Variants in CIAO2B observed in about 807,000 individuals in gnomAD.
CIAO2B encodes the protein MSS19-interacting protein of 18 kDa.
In CIAO2B, 20 loss-of-function variants were observed where a neutral mutation model predicts 16.4. That is an observed-to-expected ratio of 1.22 (90% CI 0.86 to 1.77). The LOEUF is 1.77. Among genes scored for constraint, CIAO2B ranks in the 40% most tolerant of loss-of-function variants. The pLI is 0.00. For synonymous variants in CIAO2B, 106 were observed against 90.4 expected, an observed-to-expected ratio of 1.17 and a Z score of -0.98; for missense variants, 215 against 222.4, an observed-to-expected ratio of 0.97 and a Z score of 0.21.
rs374668317 is a variant in CIAO2B at position 66,934,007 on chromosome 16, C to T, written c.202G>A (p.Val68Ile). 2 of 1,613,800 alleles carry T rather than the reference C, an allele frequency of 1.2e-6. No individual in the cohort carries two copies. The highest frequency in any genetic ancestry group is 1.7e-6 in the Non-Finnish European group (2 of 1,179,880). Residue 68 changes from valine (V) to isoleucine (I), a missense_variant, in exon 2 of 5, where the codon GTA becomes ATA. Coordinates refer to ENST00000422424, the MANE Select transcript of CIAO2B (RefSeq NM_016062.4). This position sits in a 1 kb window ranked among gnomAD's most constrained non-coding sequence, Gnocchi z 4.1. ...CTCACCTGAACCCGCACCTGCTCTA[C>T]TACGTTCAACTCCTCTAGCGTCAGT... ...HPLTLEELNV[V>I]EQVRVQVSDP...
intron 4 of CIAO2B, 43 bp downstream of exon 4, chr16:66,932,737 G>A (rs1272560833): frequency 6.3e-6 from 10 of 1,587,744 alleles, no homozygotes; most frequent in Admixed American, 1.8e-5. Context: ...AGACTGCTTA[G>A]GGGGTGCCCG....
rs1294485223 is a variant in CIAO2B, at chr16:66,934,192, G to A, written c.142+31C>T. 1.2e-6 allele frequency: 2 copies of A among 1,608,420 alleles called. No individual in the cohort carries two copies. The highest frequency in any genetic ancestry group is 1.7e-6 in the Non-Finnish European group (2 of 1,177,542). On this transcript the variant is annotated intron_variant, in intron 1 of 4. Transcript: ENST00000422424. The surrounding 1 kb of genome is among the most constrained non-coding windows in gnomAD (Gnocchi z 4.1). ...CTGCTCCCCCCACCGCAAGCCCCCG[G>A]AACCCGCCCGCGCCCAGCAGCGGCG...
intron 4 of CIAO2B, 76 bp downstream of exon 4, chr16:66,932,704 C>A (rs1252717151): frequency 1.3e-6 from 2 of 1,507,896 alleles, no homozygotes; most frequent in Non-Finnish European, 1.8e-6. Flanking sequence ...TGCCCATAGA[C>A]TCCTGTGCAA....
chr16:66,933,551 C>G, intron 3 of CIAO2B, 63 bp downstream of exon 3: 1 of 1,576,002 alleles, frequency 6.3e-7, no homozygotes. Flanking sequence ...CTCTCCCAGT[C>G]CCCATCCTCA....
Position 66,932,160 on chromosome 16 carries a change from G to A in CIAO2B, c.*43C>T, listed in dbSNP as rs772188772. On this transcript the variant is annotated 3_prime_UTR_variant, in exon 5 of 5. Transcript: ENST00000422424. ...CGGTAACAGCCCTGGCAGGAGCTGG[G>A]ACCAGGATACCAGTATGCAGGCTGA... is the stretch of plus-strand genomic sequence containing the variant. 38 of 1,453,694 alleles carry A rather than the reference G, an allele frequency of 2.6e-5. No homozygotes were observed. The highest frequency in any genetic ancestry group is 1.9e-4 in the Middle Eastern group (1 of 5,302). The allele number at this position is 1,453,694 out of a possible 1,614,324, so 90.0% of individuals were successfully genotyped here.
chr16:66,932,711 G>T (rs1467418295), intron 4 of CIAO2B, 69 bp downstream of exon 4: 10 of 1,538,980 alleles, frequency 6.5e-6, no homozygotes, highest in Non-Finnish European at 8.8e-6. Context: ...AGACTCCTGT[G>T]CAAGGGGGAA....
At position 66,933,496 on chromosome 16, in the gene CIAO2B, G is replaced by T; in HGVS notation, c.348+118C>A. The T allele has an allele frequency of 2.3e-6, 3 of 1,332,504 alleles. No homozygotes were observed. The South Asian group carries it at 4.3e-5, about 19-fold the overall frequency. 82.5% of individuals were successfully genotyped at this position (1,332,504 alleles called of 1,614,324 possible). Reference sequence around the variant, plus strand: ...TCCTCCCAGTTTCCTCTCTGCTAATGGGGATCCTTCCAGGCCCCACTCTGA... The same window carrying T: ...TCCTCCCAGTTTCCTCTCTGCTAATTGGGATCCTTCCAGGCCCCACTCTGA... On this transcript the variant is annotated intron_variant, in intron 3 of 4. Transcript: ENST00000422424.
At position 66,932,267 on chromosome 16, in the gene CIAO2B, G is replaced by A; in HGVS notation, c.428C>T (p.Ala143Val). The A allele has an allele frequency of 1.2e-6, 2 of 1,613,828 alleles. No individual in the cohort carries two copies. Among genetic ancestry groups the A allele is most frequent in the African/African-American group, 1.3e-5 (1 of 75,026 alleles). The change falls in exon 5 of 5, where the codon GCA becomes GTA. Residue 143 changes from alanine (A) to valine (V), a missense_variant. Transcript: ENST00000422424. ...NKQLADKERV[A>V]AALENTHLLE... ...GAGGTGGGTGTTCTCCAGGGCAGCTGCCACCCGCTCCTTATCTGCAAGTTG... is the reference window on the plus strand; with the variant it reads ...GAGGTGGGTGTTCTCCAGGGCAGCTACCACCCGCTCCTTATCTGCAAGTTG...
At position 66,932,187 on chromosome 16, in the gene CIAO2B, G is replaced by C. The variant is rs1328136467; in HGVS notation, c.*16C>G. The C allele has an allele frequency of 9.4e-6, 15 of 1,602,732 alleles. No homozygotes were observed. The highest frequency in any genetic ancestry group is 1.3e-5 in the Non-Finnish European group (15 of 1,171,124). Reference sequence around the variant, plus strand: ...CCAGGATACCAGTATGCAGGCTGAGGGGTCAAAGGCCAGGCTCAGGAGCGG... The same window carrying C: ...CCAGGATACCAGTATGCAGGCTGAGCGGTCAAAGGCCAGGCTCAGGAGCGG... On this transcript the variant is annotated 3_prime_UTR_variant, in exon 5 of 5. Coordinates refer to ENST00000422424, the MANE Select transcript of CIAO2B (RefSeq NM_016062.4).
At position 66,934,355 on chromosome 16, in the gene CIAO2B, C is replaced by T. The variant is rs747220172; in HGVS notation, c.10G>A (p.Gly4Ser). Reference protein sequence around the residue: MVGGGGVGGGLLEN... With the variant: MVGSGGVGGGLLEN... ...AGGAGGCCGCCGCCGACCCCGCCGC[C>T]GCCTACCATCGCGGAACCACCACCG... Residue 4 changes from glycine (G) to serine (S), a missense_variant, in exon 1 of 5, where the codon GGC becomes AGC. Physicochemically the swap from Gly to Ser is moderately conservative, Grantham distance 56. Coordinates refer to ENST00000422424, the MANE Select transcript of CIAO2B (RefSeq NM_016062.4). The surrounding 1 kb of genome is among the most constrained non-coding windows in gnomAD (Gnocchi z 4.1). 25 of 1,559,206 alleles carry T rather than the reference C, an allele frequency of 1.6e-5. No homozygotes were observed. Among genetic ancestry groups the T allele is most frequent in the Admixed American group, 5.7e-5 (3 of 52,618 alleles).
intron 3 of CIAO2B, among the ~76,000 whole-genome samples, chr16:66,933,139 C>T (rs1352346558): frequency 6.6e-6 from 1 of 152,158 alleles, no homozygotes; most frequent in African/African-American, 2.4e-5. Context: ...CAGGCACACA[C>T]CACCACGCCC....
rs780892247 is a variant in CIAO2B, at chr16:66,932,212, G to T, written c.483C>A (p.Ala161=). 15 of 1,612,864 alleles carry T rather than the reference G, an allele frequency of 9.3e-6. No homozygotes were observed. In the South Asian group the frequency reaches 1.5e-4, roughly 17 times the overall value. ...GGGTCAAAGGCCAGGCTCAGGAGCG[G>T]GCTGACAGGCACTGATTCACAACCT... is the stretch of plus-strand genomic sequence containing the variant. ...LLEVVNQCLS[A]RS Residue 161 remains alanine, a synonymous_variant, in exon 5 of 5, where the codon GCC becomes GCA. Coordinates refer to ENST00000422424, the MANE Select transcript of CIAO2B (RefSeq NM_016062.4).
Position 66,932,779 on chromosome 16 carries a change from C to T in CIAO2B, c.394+1G>A, listed in dbSNP as rs373377621. ...CACCCTCACCACCAGTCCACACTTA[C>T]CTGCATGCTCTGAGGCATGGGTCCC... On this transcript the variant is annotated splice_donor_variant, in intron 4 of 4. Coordinates refer to ENST00000422424, the MANE Select transcript of CIAO2B (RefSeq NM_016062.4). LOFTEE classifies it high-confidence loss of function. The T allele has an allele frequency of 4.3e-6, 7 of 1,610,168 alleles. No homozygotes were observed. Among genetic ancestry groups the T allele is most frequent in the Non-Finnish European group, 8.5e-7 (1 of 1,178,326 alleles).
At position 66,933,400 on chromosome 16, in the gene CIAO2B, C is replaced by T. The variant is rs1596999444; in HGVS notation, c.348+214G>A. On this transcript the variant is annotated intron_variant, in intron 3 of 4. Transcript: ENST00000422424. ...CTGCCGCTCCCTACTGCCCTTCCTG[C>T]CACACTCTTCAATACTTTTCTCCAC... 5 of 676,528 alleles carry T rather than the reference C, an allele frequency of 7.4e-6. No homozygotes were observed. The East Asian group carries it at 1.5e-4, about 20-fold the overall frequency. 41.9% of individuals were successfully genotyped at this position (676,528 alleles called of 1,614,324 possible).
At position 66,933,740 on chromosome 16, in the gene CIAO2B, C is replaced by G; in HGVS notation, c.223-1G>C. On this transcript the variant is annotated splice_acceptor_variant, in intron 2 of 4. Coordinates refer to ENST00000422424, the MANE Select transcript of CIAO2B (RefSeq NM_016062.4). LOFTEE classifies it high-confidence loss of function. ...CCACTGTACTCTCGGGGTCGCTAAC[C>G]TGGTTGTGGAGGAGAGATGTCAAGA... The G allele has an allele frequency of 1.3e-6, 2 of 1,538,456 alleles. No homozygotes were observed. Among genetic ancestry groups the G allele is most frequent in the Non-Finnish European group, 1.8e-6 (2 of 1,139,116 alleles).
rs1411653355 is a variant in CIAO2B at position 66,934,310 on chromosome 16, T to C, written c.55A>G (p.Ile19Val). 6.9e-6 allele frequency: 11 copies of C among 1,604,692 alleles called. No individual in the cohort carries two copies. Among genetic ancestry groups the C allele is most frequent in the Middle Eastern group, 1.6e-4 (1 of 6,074 alleles). ...GGCCGCTCCCCAGAGCGCTGGTAGA[T>C]GAGGGGGTTGGCATTCTCCAGGAGG... is the stretch of plus-strand genomic sequence containing the variant. The part of the protein sequence containing the change: ...GGLLENANPL[I>V]YQRSGERPVT... The change falls in exon 1 of 5, where the codon ATC becomes GTC. Residue 19 changes from isoleucine (I) to valine (V), a missense_variant. Coordinates refer to ENST00000422424, the MANE Select transcript of CIAO2B (RefSeq NM_016062.4). The surrounding 1 kb of genome is among the most constrained non-coding windows in gnomAD (Gnocchi z 4.1).
intron 4 of CIAO2B, chr16:66,932,509 C>T: frequency 1.4e-6 from 1 of 716,958 alleles, no homozygotes; most frequent in Non-Finnish European, 2.5e-6. Flanking sequence ...ATCCCTCCCC[C>T]TGGCTGCCTC....
At chr16:66,932,962 AC>A (rs1567543664) in intron 3 of CIAO2B, 137 bp from the exon 4 acceptor site, 2 of 827,230 alleles carry the variant, frequency 2.4e-6, no homozygotes, top group Non-Finnish European at 3.8e-6. Flanking sequence ...CTTCCGTTAC[AC>A]CCCAAACCCA....
rs1963120483 is a variant in CIAO2B, at chr16:66,933,845, T to C, written c.223-106A>G. The C allele has an allele frequency of 9.8e-6, 15 of 1,536,556 alleles. No homozygotes were observed. The South Asian group carries it at 1.6e-4, about 16-fold the overall frequency. ...CATCCAACTTCTATGGGCCTCAGTT[T>C]CAACACCCATAAAATAGGCACAACA... On this transcript the variant is annotated intron_variant, in intron 2 of 4. Coordinates refer to ENST00000422424, the MANE Select transcript of CIAO2B (RefSeq NM_016062.4).
Sources: allele counts gnomAD v4.1 joint callset (sites outside exome capture counted in the v4.1 genomes callset), GRCh38; gene constraint gnomAD v4.1.1; non-coding constraint Gnocchi (gnomAD v3.1); transcripts MANE v1.5; gene names NCBI Gene and HGNC (gene_info 2026-07-23, HGNC 2026-07-21).